ACTA2: variants seen among roughly 807,000 people sequenced by gnomAD.
ACTA2 encodes the protein actin alpha 2, smooth muscle, also known as actin, aortic smooth muscle.
In ACTA2, 12 loss-of-function variants were observed where a neutral mutation model predicts 39.5. The ratio of observed to expected loss-of-function variants is 0.30; its 90% CI spans 0.19 to 0.49. ACTA2 has a LOEUF of 0.49. Among genes scored for constraint, ACTA2 ranks in the 20% least tolerant of loss-of-function variants. The pLI is 0.99. For synonymous variants in ACTA2, 158 were observed against 180.6 expected (o/e 0.88, Z 1.00); for missense variants, 236 against 498.8 (o/e 0.47, Z 5.02).
intron 1 of ACTA2, among the ~76,000 whole-genome samples, chr10:88,969,895 T>C (rs914510794): frequency 2.6e-5 from 4 of 152,220 alleles, no homozygotes; most frequent in Non-Finnish European, 5.9e-5. Flanking sequence ...TGCAAGGATG[T>C]TGTTAAATTG....
rs1845713164 is a variant in ACTA2 at position 88,935,327 on chromosome 10, CG to C, written c.1029del (p.Ile343MetfsTer77). 1 of 1,613,854 alleles carries C rather than the reference CG, an allele frequency of 6.2e-7. No homozygotes were observed. Among genetic ancestry groups the C allele is most frequent in the Non-Finnish European group, 8.5e-7 (1 of 1,179,830 alleles). On this transcript the variant is annotated frameshift_variant, in exon 9 of 9. Coordinates refer to ENST00000224784, the MANE Select transcript of ACTA2 (RefSeq NM_001613.4). LOFTEE classifies it high-confidence loss of function. The stretch of plus-strand genomic sequence containing the variant: ...GACAGAGAGGCCAGGATGGAGCCAC[CG>C]ATCCAGACAGAGTATTTGCGCTCCG... ...APPERKYSVWIGGSILASLST... is the reference protein window; with the variant it reads ...APPERKYSVWXGGSILASLST...
intron 2 of ACTA2, among the ~76,000 whole-genome samples, chr10:88,947,864 T>C (rs549797941): frequency 1.7e-4 from 26 of 152,324 alleles, no homozygotes; most frequent in African/African-American, 6.0e-4. Flanking sequence ...CTAACTATTA[T>C]AAGCAAAAGC....
chr10:88,988,001 C>T (rs190300654), intron 1 of ACTA2, among the ~76,000 whole-genome samples: 123 of 152,210 alleles, frequency 8.1e-4, no homozygotes, highest in Non-Finnish European at 1.5e-3. Flanking sequence ...TGCCAGCAGA[C>T]GGCCTTTGGA....
chr10:88,950,255 G>A (rs1846025436), intron 1 of ACTA2, among the ~76,000 whole-genome samples: 1 of 152,168 alleles, frequency 6.6e-6, no homozygotes, highest in Non-Finnish European at 1.5e-5. Context: ...AGGACACCCA[G>A]AGTTATCTGC....
intron 1 of ACTA2, among the ~76,000 whole-genome samples, chr10:88,962,977 A>G (rs746740308): frequency 3.8e-5 from 3 of 78,096 alleles, no homozygotes; most frequent in Non-Finnish European, 7.5e-5. Context: ...ATATATATAT[A>G]ATATTTTTTT....
intron 2 of ACTA2, chr10:88,948,452 T>A (rs1464854438): frequency 3.4e-6 from 1 of 293,768 alleles, no homozygotes; most frequent in Non-Finnish European, 6.7e-6. Flanking sequence ...CCTGGACTTT[T>A]ATTTTAGTTT....
At chr10:88,937,181 T>C (rs1564642068) in intron 8 of ACTA2, among the ~76,000 whole-genome samples, 1 of 146,218 alleles carries the variant, frequency 6.8e-6, no homozygotes, top group African/African-American at 2.5e-5. Flanking sequence ...GAGCCTATCA[T>C]GGAGAGAGAA....
At position 88,973,100 on chromosome 10, in the gene ACTA2, A is replaced by G. The variant is rs983096682; in HGVS notation, c.-24+17839T>C. 15 of 1,414,436 alleles carry G rather than the reference A, an allele frequency of 1.1e-5. No homozygotes were observed. The Admixed American group carries it at 2.7e-4, about 26-fold the overall frequency. The allele number at this position is 1,414,436 out of a possible 1,614,324, so 87.6% of individuals were successfully genotyped here. On this transcript the variant is annotated intron_variant, in intron 1 of 4. Coordinates refer to the ACTA2 transcript ENST00000415557. ...CTTTCAAAAAATAATTTTAACTTCT[A>G]TGTTTTATTTTTCTATTTTAATTTT...
intron 1 of ACTA2, among the ~76,000 whole-genome samples, chr10:88,988,503 T>A (rs1846988236): frequency 6.6e-6 from 1 of 151,116 alleles, no homozygotes; most frequent in East Asian, 2.0e-4. Flanking sequence ...TTATTCAGAA[T>A]GTTCAGAAAC....
chr10:88,985,103 A>G (rs2133360287), intron 1 of ACTA2, among the ~76,000 whole-genome samples: 1 of 152,330 alleles, frequency 6.6e-6, no homozygotes, highest in African/African-American at 2.4e-5. Flanking sequence ...AATAAAATAA[A>G]TAAAATAACA....
At chr10:88,941,122 C>T in intron 6 of ACTA2, 107 bp downstream of exon 6, 1 of 1,431,338 alleles carries the variant, frequency 7.0e-7, no homozygotes, top group South Asian at 1.2e-5. Flanking sequence ...CAGGCCTTGC[C>T]ATTTGCAAAA....
chr10:88,987,072 C>CCCAAGAA (rs1846918596), intron 1 of ACTA2, among the ~76,000 whole-genome samples: 1 of 152,170 alleles, frequency 6.6e-6, no homozygotes, highest in Admixed American at 6.5e-5. Flanking sequence ...CCCAAGAACC[C>CCCAAGAA]ATACATATTT....
chr10:88,962,813 A>G (rs1846247693), intron 1 of ACTA2, among the ~76,000 whole-genome samples: 1 of 150,984 alleles, frequency 6.6e-6, no homozygotes, highest in African/African-American at 2.4e-5. Context: ...ACAGTTCCAC[A>G]TGGCTGAGGA....
chr10:88,989,236 AT>A (rs1847022880), intron 1 of ACTA2, among the ~76,000 whole-genome samples: 1 of 152,072 alleles, frequency 6.6e-6, no homozygotes. Flanking sequence ...AGAGATACTG[AT>A]TTTGTCAATT....
chr10:88,943,901 G>A lies in ACTA2; in HGVS notation c.265C>T (p.His89Tyr). 6.2e-7 allele frequency: 1 copy of A among 1,613,802 alleles called. No homozygotes were observed. Among genetic ancestry groups the A allele is most frequent in the Non-Finnish European group, 8.5e-7 (1 of 1,179,766 alleles). Residue 89 changes from histidine (H) to tyrosine (Y), a missense_variant, in exon 4 of 9, where the codon CAC becomes TAC. By Grantham distance (83) the His-to-Tyr change is moderately conservative. Coordinates refer to ENST00000224784, the MANE Select transcript of ACTA2 (RefSeq NM_001613.4). ...CGAAGCTCATTGTAGAAAGAGTGGT[G>A]CCAGATCTAGTGAGTTGGGGGACAG... ...TNWDDMEKIW[H>Y]HSFYNELRVA...
chr10:88,937,093 G>A (rs1167183536), intron 8 of ACTA2, among the ~76,000 whole-genome samples: 1 of 152,126 alleles, frequency 6.6e-6, no homozygotes, highest in African/African-American at 2.4e-5. Flanking sequence ...GATCAGAATG[G>A]CATCCAAGAA....
intron 1 of ACTA2, among the ~76,000 whole-genome samples, chr10:88,962,976 T>TAAAA (rs1274253085): frequency 1.2e-5 from 1 of 81,888 alleles, no homozygotes; most frequent in Non-Finnish European, 2.4e-5. Context: ...TATATATATA[T>TAAAA]AATATTTTTT....
chr10:88,941,737 C>T (rs1287583148), intron 5 of ACTA2, 48 bp downstream of exon 5: 1 of 1,534,906 alleles, frequency 6.5e-7, no homozygotes, highest in East Asian at 2.3e-5. Context: ...TCAATCCCAT[C>T]TCTGGCAGTG....
At chr10:88,938,410 A>T (rs1440834248) in intron 7 of ACTA2, 168 bp from the exon 8 acceptor site, 1 of 723,814 alleles carries the variant, frequency 1.4e-6, no homozygotes, top group Non-Finnish European at 2.4e-6. Flanking sequence ...GTTATGCTCT[A>T]TGTCTTCCTG....
Sources: allele counts gnomAD v4.1 joint callset (sites outside exome capture counted in the v4.1 genomes callset), GRCh38; gene constraint gnomAD v4.1.1; transcripts MANE v1.5; gene names NCBI Gene and HGNC (gene_info 2026-07-23, HGNC 2026-07-21).